The following KLF12 variants were observed in gnomAD, a reference collection of about 807,000 sequenced individuals.
KLF12 encodes KLF transcription factor 12, also known as Krueppel-like factor 12.
In KLF12, 9 loss-of-function variants were observed where a neutral mutation model predicts 37.8. That is an observed-to-expected ratio of 0.24 (90% CI 0.14 to 0.42). KLF12 has a LOEUF of 0.42. KLF12 is among the 10% of genes least tolerant of loss of function. The pLI, the probability that KLF12 is intolerant of heterozygous loss-of-function variation, is 1.00. For synonymous variants in KLF12, 208 were observed against 202.1 expected, an observed-to-expected ratio of 1.03 and a Z score of -0.25; for missense variants, 411 against 516.0, an observed-to-expected ratio of 0.80 and a Z score of 1.97.
intron 1 of KLF12, among the ~76,000 whole-genome samples, chr13:74,045,624 A>G (rs2147628): frequency 0.82 from 122,724 of 150,148 alleles, 50,334 homozygotes; most frequent in East Asian, 0.91. Context: ...GCATTGACGA[A>G]AATGAAAAAA....
At chr13:74,075,743 C>A (rs908437880) in intron 1 of KLF12, among the ~76,000 whole-genome samples, 2 of 151,880 alleles carry the variant, frequency 1.3e-5, no homozygotes, top group Non-Finnish European at 1.5e-5. Flanking sequence ...TCTGACTACA[C>A]ACAAAAAAGT....
chr13:74,169,767 G>A, the KLF12 span, among the ~76,000 whole-genome samples: 1 of 152,274 alleles, frequency 6.6e-6, no homozygotes, highest in Non-Finnish European at 1.5e-5. Context: ...AAAAGATAAT[G>A]CCTTGAATGG....
chr13:73,733,994 C>T (rs1877258546), intron 6 of KLF12, among the ~76,000 whole-genome samples: 1 of 152,178 alleles, frequency 6.6e-6, no homozygotes, highest in African/African-American at 2.4e-5. Context: ...ACCCTGAGAT[C>T]TCTTCATTCT....
At chr13:73,844,086 A>G (rs1003138171) in intron 4 of KLF12, among the ~76,000 whole-genome samples, 2 of 152,166 alleles carry the variant, frequency 1.3e-5, no homozygotes. Context: ...CATGAGCAAC[A>G]TTAATATCTT....
chr13:73,801,858 G>A (rs919613338), intron 5 of KLF12: 3 of 152,036 alleles, frequency 2.0e-5, no homozygotes, highest in African/African-American at 7.2e-5. Flanking sequence ...TCTATCCATG[G>A]TGTAATTTTG....
In KLF12 at chr13:73,687,457, C is replaced by T. The variant is rs1442971190; in HGVS notation, c.*8033G>A. 1 of 152,244 alleles carries T rather than the reference C, an allele frequency of 6.6e-6. No homozygotes were observed. The highest frequency in any genetic ancestry group is 1.5e-5 in the Non-Finnish European group (1 of 68,032). 9.4% of individuals were successfully genotyped at this position (152,244 alleles called of 1,614,324 possible). ...AGTGCCCCAGTTCAACAATATCCAT[C>T]CAATGTAATAAAGTTTGAGGAACAA... On this transcript the variant is annotated 3_prime_UTR_variant, in exon 8 of 8. Coordinates refer to ENST00000377669, the MANE Select transcript of KLF12 (RefSeq NM_007249.5).
intron 4 of KLF12, among the ~76,000 whole-genome samples, chr13:73,842,574 C>T (rs1884795003): frequency 6.6e-6 from 1 of 152,198 alleles, no homozygotes; most frequent in Non-Finnish European, 1.5e-5. Context: ...CATTCACAGT[C>T]CTTCACGTAA....
chr13:74,122,876 G>A (rs1325657493), intron 1 of KLF12, among the ~76,000 whole-genome samples: 4 of 149,064 alleles, frequency 2.7e-5, no homozygotes, highest in Non-Finnish European at 3.0e-5. Flanking sequence ...ACACATAATC[G>A]TGCTAAAAAC....
the KLF12 span, among the ~76,000 whole-genome samples, chr13:74,304,586 G>A: frequency 6.6e-6 from 1 of 152,126 alleles, no homozygotes; most frequent in African/African-American, 2.4e-5. Flanking sequence ...TGGCATTGCA[G>A]TTATTAATTT....
intron 6 of KLF12, among the ~76,000 whole-genome samples, chr13:73,737,952 C>G (rs1401390330): frequency 2.7e-5 from 4 of 150,288 alleles, no homozygotes; most frequent in Non-Finnish European, 5.9e-5. Context: ...TACATTCTGG[C>G]AGATGTGAGA....
At chr13:74,072,249 T>C (rs1354183936) in intron 1 of KLF12, among the ~76,000 whole-genome samples, 2 of 151,418 alleles carry the variant, frequency 1.3e-5, no homozygotes, top group African/African-American at 4.8e-5. Context: ...GTCTGGAATA[T>C]GGTACATGCT....
At chr13:73,708,539 C>T (rs1279670664) in intron 7 of KLF12, among the ~76,000 whole-genome samples, 1 of 152,060 alleles carries the variant, frequency 6.6e-6, no homozygotes, top group East Asian at 1.9e-4. Flanking sequence ...TCTCTTCAGA[C>T]CCTCTTCTAG....
chr13:74,071,486 A>G (rs1874234685), intron 1 of KLF12, among the ~76,000 whole-genome samples: 1 of 151,698 alleles, frequency 6.6e-6, no homozygotes, highest in Non-Finnish European at 1.5e-5. Context: ...GGAGATCGAG[A>G]CCATCCTGGC....
intron 1 of KLF12, among the ~76,000 whole-genome samples, chr13:74,067,099 A>G (rs1404722532): frequency 1.3e-5 from 2 of 152,202 alleles, no homozygotes; most frequent in Non-Finnish European, 2.9e-5. Flanking sequence ...CTCAAAGTTT[A>G]GCAGGTCAAG....
Position 73,826,219 on chromosome 13 carries a change from C to T in KLF12, c.671-12932G>A, listed in dbSNP as rs149187717. Among the ~76,000 whole-genome samples, 248 of 151,884 alleles carry T rather than the reference C, an allele frequency of 1.6e-3. 7 individuals are homozygous for T. In the East Asian group the frequency reaches 0.041, roughly 25 times the overall value. ...CTATCTCCTGACCTCGTGATCTGCC[C>T]GCCTCGGCCTCCCAAAGTGCTGGGA... is the stretch of plus-strand genomic sequence containing the variant. On this transcript the variant is annotated intron_variant, in intron 4 of 7. Transcript: ENST00000377669.
At chr13:74,082,172 A>AAAAAAAAAAC (rs1555270366) in intron 1 of KLF12, among the ~76,000 whole-genome samples, 1 of 149,602 alleles carries the variant, frequency 6.7e-6, no homozygotes, top group Admixed American at 6.6e-5. Flanking sequence ...TTAAAAAAAA[A>AAAAAAAAAAC]AAAAAACAAA....
chr13:73,966,118 A>C (rs1261543287), intron 2 of KLF12, among the ~76,000 whole-genome samples: 1 of 152,232 alleles, frequency 6.6e-6, no homozygotes, highest in African/African-American at 2.4e-5. Flanking sequence ...CTGCCCCCAA[A>C]TTGGATAGTG....
At chr13:74,263,207 T>C in the KLF12 span, among the ~76,000 whole-genome samples, 6 of 152,194 alleles carry the variant, frequency 3.9e-5, no homozygotes, top group Non-Finnish European at 5.9e-5. Flanking sequence ...TAAAAAATAA[T>C]GTAATGCTCC....
At chr13:74,056,266 AC>A (rs1873237135) in intron 1 of KLF12, among the ~76,000 whole-genome samples, 1 of 152,228 alleles carries the variant, frequency 6.6e-6, no homozygotes, top group Non-Finnish European at 1.5e-5. Flanking sequence ...TTGGGTGTAC[AC>A]AGCAGCCCAT....
Sources: gnomAD v4.1 joint callset for allele counts (sites outside exome capture counted in the v4.1 genomes callset) on GRCh38, gnomAD v4.1.1 for gene constraint, MANE v1.5 for transcripts, NCBI Gene and HGNC (gene_info 2026-07-23, HGNC 2026-07-21) for gene names.